RARB: variants seen among roughly 807,000 people sequenced by gnomAD.
RARB encodes retinoic acid receptor beta, also known as HBV-activated protein.
A neutral mutation model predicts 51.9 loss-of-function variants in RARB; 17 were observed. That is an observed-to-expected ratio of 0.33 (90% CI 0.22 to 0.49). The LOEUF is 0.49. RARB is among the 20% of genes least tolerant of loss of function. RARB has a pLI of 0.99. For synonymous variants in RARB, 215 were observed against 195.4 expected, an observed-to-expected ratio of 1.10 and a Z score of -0.84; for missense variants, 369 against 550.8, an observed-to-expected ratio of 0.67 and a Z score of 3.30.
intron 5 of RARB, among the ~76,000 whole-genome samples, chr3:25,267,992 G>A (rs903435496): frequency 1.3e-5 from 2 of 152,146 alleles, no homozygotes; most frequent in African/African-American, 4.8e-5. Context: ...AATGCTAGGA[G>A]GAGAGTTATA....
At chr3:25,559,392 C>A (rs1465034216) in intron 3 of RARB, among the ~76,000 whole-genome samples, 1 of 152,138 alleles carries the variant, frequency 6.6e-6, no homozygotes, top group African/African-American at 2.4e-5. Context: ...GCTTCCTCAT[C>A]TGTGAGTCTC....
At chr3:25,195,340 T>C (rs1013701285) in intron 5 of RARB, among the ~76,000 whole-genome samples, 1 of 152,032 alleles carries the variant, frequency 6.6e-6, no homozygotes, top group Admixed American at 6.6e-5. Context: ...TTGCAGAAAG[T>C]TTCGTATAGT....
intron 2 of RARB, among the ~76,000 whole-genome samples, chr3:24,992,088 C>T (rs1164124608): frequency 6.6e-6 from 1 of 152,202 alleles, no homozygotes; most frequent in Non-Finnish European, 1.5e-5. Flanking sequence ...ACACCCTGGT[C>T]TGGGTTACCT....
chr3:25,575,967 T>C (rs1171408195), intron 4 of RARB, among the ~76,000 whole-genome samples: 1 of 152,188 alleles, frequency 6.6e-6, no homozygotes, highest in African/African-American at 2.4e-5. Flanking sequence ...GTTGTGAGTA[T>C]TTAGAAACCT....
At chr3:25,569,955 G>A (rs1292542793) in intron 4 of RARB, 37 bp downstream of exon 4, 4 of 1,591,844 alleles carry the variant, frequency 2.5e-6, no homozygotes, top group African/African-American at 2.7e-5. Flanking sequence ...CTGGGAGTGT[G>A]GAAACCTTGT....
chr3:24,956,509 A>G (rs990902312), intron 2 of RARB, among the ~76,000 whole-genome samples: 1 of 152,172 alleles, frequency 6.6e-6, no homozygotes, highest in Non-Finnish European at 1.5e-5. Flanking sequence ...AAGTACAAAC[A>G]TTCTGCCTGG....
chr3:25,195,905 G>A (rs1004044565), intron 5 of RARB, among the ~76,000 whole-genome samples: 8 of 151,902 alleles, frequency 5.3e-5, no homozygotes, highest in Non-Finnish European at 2.9e-5. Context: ...TGGAATCAAT[G>A]TTTATGGCTC....
chr3:25,463,181 T>C (rs1305652884), intron 2 of RARB, among the ~76,000 whole-genome samples: 1 of 150,506 alleles, frequency 6.6e-6, no homozygotes, highest in African/African-American at 2.4e-5. Context: ...CCCCACTCAA[T>C]TTCTTAATGG....
chr3:25,574,157 T>C (rs1331695670), intron 4 of RARB, among the ~76,000 whole-genome samples: 1 of 152,208 alleles, frequency 6.6e-6, no homozygotes, highest in East Asian at 1.9e-4. Context: ...TCTGAGGACG[T>C]GTTCTCCGCT....
intron 1 of RARB, among the ~76,000 whole-genome samples, chr3:25,449,897 G>A (rs923592990): frequency 4.0e-5 from 6 of 151,776 alleles, no homozygotes; most frequent in African/African-American, 1.2e-4. Context: ...GATTACAGGC[G>A]CACGCCACCA....
chr3:24,927,374 A>G (rs576432835), intron 2 of RARB, among the ~76,000 whole-genome samples: 1 of 152,184 alleles, frequency 6.6e-6, no homozygotes, highest in South Asian at 2.1e-4. Context: ...ATTTTTTAAG[A>G]AGCTACAAAT....
rs150945488 is a variant in RARB, at chr3:25,306,580, T to C, written c.178+132005T>C. Among the ~76,000 whole-genome samples the C allele has an allele frequency of 2.3e-3, 350 of 152,154 alleles. 2 individuals are homozygous for C. The highest frequency in any genetic ancestry group is 7.9e-3 in the African/African-American group (329 of 41,510). ...ACCCTGTTACGTGAGGAAAATTGCA[T>C]TGGAATGCTGCAACTGAAACATATT... On this transcript the variant is annotated intron_variant, in intron 5 of 11. Coordinates refer to the RARB transcript ENST00000383772.
At chr3:24,865,652 A>G (rs1432800552) in intron 2 of RARB, among the ~76,000 whole-genome samples, 1 of 152,150 alleles carries the variant, frequency 6.6e-6, no homozygotes, top group Non-Finnish European at 1.5e-5. Flanking sequence ...ACAAATGTAA[A>G]CCTAGATATA....
chr3:24,872,641 C>T (rs1251472245), intron 2 of RARB, among the ~76,000 whole-genome samples: 2 of 152,034 alleles, frequency 1.3e-5, no homozygotes, highest in East Asian at 3.9e-4. Flanking sequence ...AACCAGCTCT[C>T]ACGTGAATAG....
chr3:25,075,039 C>T (rs1324016110), intron 3 of RARB, among the ~76,000 whole-genome samples: 1 of 152,022 alleles, frequency 6.6e-6, no homozygotes, highest in African/African-American at 2.4e-5. Flanking sequence ...CTGTTGACTC[C>T]CTCTCTTTAT....
At chr3:24,829,678 T>C (rs1379497891) in intron 1 of RARB, among the ~76,000 whole-genome samples, 1 of 152,194 alleles carries the variant, frequency 6.6e-6, no homozygotes, top group Non-Finnish European at 1.5e-5. Context: ...TTTATTGCTA[T>C]TGTCTTAGCG....
intron 5 of RARB, among the ~76,000 whole-genome samples, chr3:25,199,571 T>C (rs189451959): frequency 2.0e-5 from 3 of 152,218 alleles, no homozygotes; most frequent in Admixed American, 2.0e-4. Flanking sequence ...TCATTTACAT[T>C]AGGTATATTT....
At chr3:24,996,236 T>G (rs766249222) in intron 2 of RARB, among the ~76,000 whole-genome samples, 35 of 152,074 alleles carry the variant, frequency 2.3e-4, no homozygotes, top group Non-Finnish European at 4.1e-4. Flanking sequence ...TTTTCCAATT[T>G]AATGGCCTAT....
intron 5 of RARB, among the ~76,000 whole-genome samples, chr3:25,417,628 C>G (rs952284337): frequency 6.6e-6 from 1 of 152,208 alleles, no homozygotes; most frequent in Non-Finnish European, 1.5e-5. Flanking sequence ...CCTCATGGAA[C>G]TGTGAGTCCG....
Sources: allele counts gnomAD v4.1 joint callset (sites outside exome capture counted in the v4.1 genomes callset), GRCh38; gene constraint gnomAD v4.1.1; transcripts MANE v1.5; gene names NCBI Gene and HGNC (gene_info 2026-07-23, HGNC 2026-07-21).